The following EVL variants were observed in gnomAD, a reference collection of about 807,000 sequenced individuals.
EVL encodes the protein ena/VASP-like protein.
EVL carries 21 observed loss-of-function variants against 59.6 expected under a neutral mutation model. The observed-to-expected ratio is 0.35, with a 90% CI of 0.25 to 0.51. The LOEUF (loss-of-function observed/expected upper bound fraction) is 0.51, where lower values mean the gene tolerates loss of function less well. Among genes scored for constraint, EVL ranks in the 20% least tolerant of loss-of-function variants. The pLI is 0.97. For missense variants in EVL, 462 were observed against 546.6 expected (o/e 0.85, Z 1.54); for synonymous variants, 198 against 203.5 (o/e 0.97, Z 0.23).
intron 1 of EVL, among the ~76,000 whole-genome samples, chr14:100,077,774 T>C (rs1252700396): frequency 6.6e-6 from 1 of 152,102 alleles, no homozygotes. Flanking sequence ...AGTTTTTTTG[T>C]TTGTTTTTGT....
chr14:100,024,494 A>G (rs964314123), intron 1 of EVL, among the ~76,000 whole-genome samples: 6 of 152,206 alleles, frequency 3.9e-5, no homozygotes, highest in African/African-American at 1.4e-4. Context: ...GGGAAGGAAA[A>G]GAACCTTGAT....
chr14:100,045,868 A>C (rs1315683802), intron 1 of EVL, among the ~76,000 whole-genome samples: 1 of 152,224 alleles, frequency 6.6e-6, no homozygotes, highest in Non-Finnish European at 1.5e-5. Flanking sequence ...GCCTGTGGGC[A>C]CTGATGATTG....
At chr14:99,978,194 C>T (rs112685599) in intron 1 of EVL, 11,567 of 150,342 alleles carry the variant, frequency 0.077, 547 homozygotes, top group Non-Finnish European at 0.1. Flanking sequence ...GTCAGGAGAT[C>T]GAGACCATCC....
rs531535258 is a variant in EVL, at chr14:99,998,795, T to C, written c.5+26738T>C. 1.4e-4 allele frequency among the ~76,000 whole-genome samples: 21 copies of C among 152,246 alleles called. No individual in the cohort carries two copies. In the South Asian group the frequency reaches 3.3e-3, roughly 24 times the overall value. On this transcript the variant is annotated intron_variant, in intron 1 of 13. Coordinates refer to the EVL transcript ENST00000402714. ...CTTTATATGCATTATATCATTTGATTCTCACAAAAAACCCTCCAAGATACA... is the reference window on the plus strand; with the variant it reads ...CTTTATATGCATTATATCATTTGATCCTCACAAAAAACCCTCCAAGATACA...
In EVL at chr14:100,059,646, C is replaced by T. The variant is rs780650555; in HGVS notation, c.6-25041C>T. 2.7e-4 allele frequency among the ~76,000 whole-genome samples: 41 copies of T among 151,998 alleles called. 3 individuals are homozygous for T. Among genetic ancestry groups the T allele is most frequent in the East Asian group, 7.7e-4 (4 of 5,192 alleles). The stretch of plus-strand genomic sequence containing the variant: ...TCCGGCTTAACCTGAATGAAGAAAC[C>T]GCCCAGAACACCTCAGGCATTCAGT... On this transcript the variant is annotated intron_variant, in intron 1 of 13. Coordinates refer to the EVL transcript ENST00000402714.
chr14:99,979,117 G>A (rs2060789547), intron 1 of EVL, among the ~76,000 whole-genome samples: 1 of 151,632 alleles, frequency 6.6e-6, no homozygotes, highest in Non-Finnish European at 1.5e-5. Context: ...GATTAGATGG[G>A]GTAAGGAGGT....
At chr14:100,018,593 G>A (rs989566282) in intron 1 of EVL, among the ~76,000 whole-genome samples, 2 of 152,146 alleles carry the variant, frequency 1.3e-5, no homozygotes, top group African/African-American at 2.4e-5. Flanking sequence ...AGTGAGGGGC[G>A]CTGAGGGCAC....
rs61264203 is a variant in EVL, at chr14:100,087,765, C to CCTGCTCTGCTCTGCT, written c.180+2925_180+2939dup. ...GGTCCAGAAGAAGGGAGACTGCAGTCCTGCTCTGCTCTGCTCTGCTCTGCT... is the reference window on the plus strand; with the variant it reads ...GGTCCAGAAGAAGGGAGACTGCAGTCCTGCTCTGCTCTGCTCTGCTCTGCTCTGCTCTGCTCTGCT... On this transcript the variant is annotated intron_variant, in intron 2 of 13. Transcript: ENST00000392920. 5.3e-4 allele frequency among the ~76,000 whole-genome samples: 81 copies of CCTGCTCTGCTCTGCT among 151,934 alleles called. 1 individual carries two copies. In the East Asian group the frequency reaches 5.7e-3, roughly 11 times the overall value.
chr14:100,073,773 T>G (rs1361032493), intron 1 of EVL, among the ~76,000 whole-genome samples: 2 of 152,280 alleles, frequency 1.3e-5, no homozygotes, highest in African/African-American at 4.8e-5. Flanking sequence ...AGCCAGCAGT[T>G]ATTCAAAGAT....
intron 1 of EVL, among the ~76,000 whole-genome samples, chr14:100,052,002 C>T (rs2061655345): frequency 6.6e-6 from 1 of 152,168 alleles, no homozygotes; most frequent in Non-Finnish European, 1.5e-5. Context: ...TTTGAAAACT[C>T]GTTGGCCCTA....
intron 1 of EVL, among the ~76,000 whole-genome samples, chr14:100,042,212 C>T (rs2061477834): frequency 6.6e-6 from 1 of 152,192 alleles, no homozygotes; most frequent in African/African-American, 2.4e-5. Context: ...CATCACTTCT[C>T]AATTTGGACC....
intron 8 of EVL, chr14:100,135,691 C>A: frequency 1.9e-6 from 1 of 526,652 alleles, no homozygotes; most frequent in Non-Finnish European, 3.4e-6. Flanking sequence ...CTCCCTGTAG[C>A]CTTCCCCTTC....
At chr14:99,999,906 T>C (rs957594564) in intron 1 of EVL, among the ~76,000 whole-genome samples, 5 of 152,244 alleles carry the variant, frequency 3.3e-5, no homozygotes, top group Non-Finnish European at 7.3e-5. Flanking sequence ...TTTTTCTCTT[T>C]AGTTTTTGCC....
chr14:100,007,003 C>T (rs1469361670), intron 1 of EVL, among the ~76,000 whole-genome samples: 1 of 152,050 alleles, frequency 6.6e-6, no homozygotes, highest in East Asian at 1.9e-4. Context: ...CACCTTCACT[C>T]AGAATCCTTT....
chr14:100,006,456 T>G (rs1214075774), intron 1 of EVL, among the ~76,000 whole-genome samples: 1 of 152,000 alleles, frequency 6.6e-6, no homozygotes, highest in Non-Finnish European at 1.5e-5. Flanking sequence ...GGCTGGGTTT[T>G]TTGTATTTTT....
At chr14:99,997,467 A>G (rs1313926871) in intron 1 of EVL, among the ~76,000 whole-genome samples, 1 of 152,252 alleles carries the variant, frequency 6.6e-6, no homozygotes, top group African/African-American at 2.4e-5. Flanking sequence ...GGCATGCAGT[A>G]TATGCTTAGT....
intron 1 of EVL, among the ~76,000 whole-genome samples, chr14:100,048,891 A>C (rs116608687): frequency 0.013 from 1,977 of 152,340 alleles, 58 homozygotes; most frequent in African/African-American, 0.045. Context: ...TCCTAAAGAC[A>C]AAACTGTTGA....
At chr14:100,136,596 CAG>C (rs887268419) in intron 9 of EVL, among the ~76,000 whole-genome samples, 6 of 152,258 alleles carry the variant, frequency 3.9e-5, no homozygotes, top group East Asian at 3.9e-4. Context: ...CGAGGAGAGA[CAG>C]GGGCATCAGG....
At chr14:100,077,749 T>C (rs1466021109) in intron 1 of EVL, among the ~76,000 whole-genome samples, 1 of 152,142 alleles carries the variant, frequency 6.6e-6, no homozygotes, top group Non-Finnish European at 1.5e-5. Flanking sequence ...CTCACCTGAC[T>C]CTTACAGTGC....
Sources: allele counts gnomAD v4.1 joint callset (sites outside exome capture counted in the v4.1 genomes callset), GRCh38; gene constraint gnomAD v4.1.1; transcripts MANE v1.5; gene names NCBI Gene and HGNC (gene_info 2026-07-23, HGNC 2026-07-21).